PTPN11: variants seen among roughly 807,000 people sequenced by gnomAD.
PTPN11 encodes the protein tyrosine-protein phosphatase non-receptor type 11.
PTPN11 carries 6 observed loss-of-function variants against 78.8 expected under a neutral mutation model. The observed-to-expected ratio is 0.08, with a 90% CI of 0.04 to 0.15. The LOEUF is 0.15. Ranked by LOEUF, PTPN11 falls within the 10% of genes least tolerant of loss-of-function variation. The probability of loss-of-function intolerance (pLI) is 1.00; values close to 1 mark genes in which losing one functional copy is unlikely to be tolerated. For synonymous variants in PTPN11, 221 were observed against 263.5 expected, an observed-to-expected ratio of 0.84 and a Z score of 1.56; for missense variants, 386 against 744.8, an observed-to-expected ratio of 0.52 and a Z score of 5.61.
At chr12:112,447,406 G>A (rs1483021574) in intron 2 of PTPN11, among the ~76,000 whole-genome samples, 3 of 151,968 alleles carry the variant, frequency 2.0e-5, no homozygotes, top group Non-Finnish European at 4.4e-5. Context: ...AAGTTGGTTT[G>A]TGTGTTTAAA....
intron 4 of PTPN11, 143 bp from the exon 5 acceptor site, chr12:112,454,421 A>G (rs948464234): frequency 1.4e-6 from 1 of 734,762 alleles, no homozygotes; most frequent in East Asian, 2.7e-5. Context: ...CACCCAGCCT[A>G]TTATCTGTCT....
intron 1 of PTPN11, among the ~76,000 whole-genome samples, chr12:112,438,832 C>T (rs991688127): frequency 1.3e-5 from 2 of 152,082 alleles, no homozygotes; most frequent in Non-Finnish European, 2.9e-5. Flanking sequence ...GCTATGTTGC[C>T]CAGGCTGGTC....
intron 1 of PTPN11, among the ~76,000 whole-genome samples, chr12:112,421,898 G>A (rs1187492007): frequency 6.6e-6 from 1 of 152,186 alleles, no homozygotes; most frequent in Non-Finnish European, 1.5e-5. Flanking sequence ...AAAGTGCTGG[G>A]ATTACAGGCA....
intron 7 of PTPN11, among the ~76,000 whole-genome samples, chr12:112,473,919 A>G (rs2038457908): frequency 1.3e-5 from 2 of 151,602 alleles, no homozygotes; most frequent in African/African-American, 2.4e-5. Flanking sequence ...TTTTTGAGAC[A>G]TAGTCTCACT....
intron 7 of PTPN11, among the ~76,000 whole-genome samples, chr12:112,477,248 C>T (rs1015648643): frequency 1.3e-5 from 2 of 152,102 alleles, no homozygotes; most frequent in African/African-American, 4.8e-5. Context: ...ACCTCCTGAC[C>T]TCATATGATC....
At chr12:112,438,538 G>A (rs959913973) in intron 1 of PTPN11, among the ~76,000 whole-genome samples, 6 of 151,732 alleles carry the variant, frequency 4.0e-5, no homozygotes, top group Admixed American at 3.3e-4. Flanking sequence ...TTGGAGTGTA[G>A]TGGTGCAATC....
At chr12:112,488,981 G>C (rs2135915876) in intron 12 of PTPN11, 43 bp from the exon 13 acceptor site, 1 of 1,611,068 alleles carries the variant, frequency 6.2e-7, no homozygotes, top group Non-Finnish European at 8.5e-7. Flanking sequence ...CTTCATCCTG[G>C]CTCTGCAGTT....
Position 112,504,492 on chromosome 12 carries a change from G to A in PTPN11, c.1713-203G>A, listed in dbSNP as rs1377408298. On this transcript the variant is annotated intron_variant, in intron 14 of 15. Transcript: ENST00000351677. This position sits in a 1 kb window ranked among gnomAD's most constrained non-coding sequence, Gnocchi z 4.7. The stretch of plus-strand genomic sequence containing the variant: ...ACAGGCGTGAGCCACCATGCCCAGC[G>A]TTATTTCACTTCTGCCTCTGTAATT... Among the ~76,000 whole-genome samples the A allele has an allele frequency of 2.0e-5, 3 of 152,018 alleles. No homozygotes were observed. The highest frequency in any genetic ancestry group is 4.8e-5 in the African/African-American group (2 of 41,406).
At chr12:112,478,263 G>A (rs1048782268) in intron 9 of PTPN11, among the ~76,000 whole-genome samples, 3 of 151,858 alleles carry the variant, frequency 2.0e-5, no homozygotes, top group African/African-American at 7.3e-5. Context: ...ATAATGTTCA[G>A]TCTTAGTTTC....
At chr12:112,488,884 CTG>C in intron 12 of PTPN11, 138 bp from the exon 13 acceptor site, 1 of 1,230,630 alleles carries the variant, frequency 8.1e-7, no homozygotes, top group East Asian at 2.4e-5. Flanking sequence ...AAGTTCAACA[CTG>C]TAGCCATTGC....
At chr12:112,471,757 CT>C (rs753140390) in intron 6 of PTPN11, among the ~76,000 whole-genome samples, 98 of 145,052 alleles carry the variant, frequency 6.8e-4, no homozygotes, top group Non-Finnish European at 1.1e-3. Flanking sequence ...TCTTCTCCCA[CT>C]TTTTTTTTTT....
intron 6 of PTPN11, 107 bp downstream of exon 6, chr12:112,456,170 G>A (rs1156386348): frequency 1.0e-5 from 8 of 775,178 alleles, no homozygotes; most frequent in Non-Finnish European, 1.8e-5. Context: ...TGAAACTGAC[G>A]TCCTTTTTTA....
intron 5 of PTPN11, 127 bp downstream of exon 5, chr12:112,454,807 A>C: frequency 1.4e-6 from 1 of 713,256 alleles, no homozygotes; most frequent in Non-Finnish European, 2.5e-6. Context: ...TTGCAGCTTC[A>C]ACTATCAAAT....
At chr12:112,419,972 C>A (rs113388055) in intron 1 of PTPN11, among the ~76,000 whole-genome samples, 18 of 152,238 alleles carry the variant, frequency 1.2e-4, no homozygotes, top group Non-Finnish European at 2.4e-4. Flanking sequence ...GTTCTGACCA[C>A]AGCCCTATCA....
At position 112,506,718 on chromosome 12, in the gene PTPN11, C is replaced by A. The variant is rs763974602; in HGVS notation, c.*926C>A. On this transcript the variant is annotated 3_prime_UTR_variant, in exon 16 of 16. Transcript: ENST00000351677. ...TTCTGCCAGCCTGCAGGTGGCCACT[C>A]ATGTGGTCAGCAGGTCGGCGGAGAG... 1 of 152,484 alleles carries A rather than the reference C, an allele frequency of 6.6e-6. No homozygotes were observed. Among genetic ancestry groups the A allele is most frequent in the Non-Finnish European group, 1.5e-5 (1 of 68,276 alleles). The allele number at this position is 152,484 out of a possible 1,614,324, so 9.4% of individuals were successfully genotyped here.
At chr12:112,475,912 G>C (rs2038494425) in intron 7 of PTPN11, among the ~76,000 whole-genome samples, 1 of 152,198 alleles carries the variant, frequency 6.6e-6, no homozygotes, top group East Asian at 1.9e-4. Context: ...AGCAGTTTGA[G>C]CTGTAGCATG....
Position 112,482,158 on chromosome 12 carries a change from G to C in PTPN11, c.1177G>C (p.Ala393Pro). 6.2e-7 allele frequency: 1 copy of C among 1,613,610 alleles called. No homozygotes were observed. Among genetic ancestry groups the C allele is most frequent in the Non-Finnish European group, 8.5e-7 (1 of 1,179,574 alleles). Residue 393 changes from alanine (A) to proline (P), a missense_variant, in exon 10 of 16, where the codon GCT becomes CCT. By Grantham distance (27) the Ala-to-Pro change is conservative. Transcript: ENST00000351677. This position sits in a 1 kb window ranked among gnomAD's most constrained non-coding sequence, Gnocchi z 4.4. Reference protein sequence around the residue: ...MRVRNVKESAAHDYTLRELKL... With the variant: ...MRVRNVKESAPHDYTLRELKL... ...TGTTAGGAACGTCAAAGAAAGCGCCGCTCATGACTATACGCTAAGAGAACT... is the reference window on the plus strand; with the variant it reads ...TGTTAGGAACGTCAAAGAAAGCGCCCCTCATGACTATACGCTAAGAGAACT...
At chr12:112,479,443 G>A (rs2038560388) in intron 9 of PTPN11, among the ~76,000 whole-genome samples, 1 of 152,176 alleles carries the variant, frequency 6.6e-6, no homozygotes, top group African/African-American at 2.4e-5. Flanking sequence ...CATATTGGAT[G>A]TGAAGGGCAG....
intron 2 of PTPN11, among the ~76,000 whole-genome samples, chr12:112,448,730 C>T (rs1007114747): frequency 3.3e-5 from 5 of 151,848 alleles, no homozygotes; most frequent in African/African-American, 1.2e-4. Flanking sequence ...CAGCAGGTAG[C>T]GATTTAGTTG....
Sources: allele counts gnomAD v4.1 joint callset (sites outside exome capture counted in the v4.1 genomes callset), GRCh38; gene constraint gnomAD v4.1.1; non-coding constraint Gnocchi (gnomAD v3.1); transcripts MANE v1.5; gene names NCBI Gene and HGNC (gene_info 2026-07-23, HGNC 2026-07-21).